AGBL1: variants seen among roughly 807,000 people sequenced by gnomAD.
The protein encoded by AGBL1 is cytosolic carboxypeptidase 4.
A neutral mutation model predicts 118.9 loss-of-function variants in AGBL1; 130 were observed. The ratio of observed to expected loss-of-function variants is 1.09; its 90% CI spans 0.95 to 1.26. AGBL1 has a LOEUF of 1.26. AGBL1 is among the 50% of genes most tolerant of loss of function. The pLI is 0.00. For synonymous variants in AGBL1, 555 were observed against 478.9 expected, an observed-to-expected ratio of 1.16 and a Z score of -2.08; for missense variants, 1,584 against 1,298.1, an observed-to-expected ratio of 1.22 and a Z score of -3.38.
intron 23 of AGBL1, among the ~76,000 whole-genome samples, chr15:86,961,266 G>A (rs563970005): frequency 6.6e-6 from 1 of 152,024 alleles, no homozygotes; most frequent in East Asian, 1.9e-4. Context: ...AGTCATTGCT[G>A]CAACCTCTGT....
chr15:86,836,868 C>T (rs1596535961), intron 22 of AGBL1, among the ~76,000 whole-genome samples: 6 of 152,152 alleles, frequency 3.9e-5, no homozygotes, highest in Admixed American at 3.9e-4. Context: ...TATGTCTTGT[C>T]CCTGTAACAT....
intron 19 of AGBL1, among the ~76,000 whole-genome samples, chr15:86,523,516 G>T (rs1415421995): frequency 6.6e-6 from 1 of 152,050 alleles, no homozygotes; most frequent in African/African-American, 2.4e-5. Flanking sequence ...GGACACAATT[G>T]ACCCCACAAC....
At chr15:86,601,263 A>G (rs991994097) in intron 21 of AGBL1, among the ~76,000 whole-genome samples, 4 of 152,156 alleles carry the variant, frequency 2.6e-5, no homozygotes, top group Non-Finnish European at 5.9e-5. Context: ...CTTAGCTAGC[A>G]CTCAGTTAAG....
intron 5 of AGBL1, among the ~76,000 whole-genome samples, chr15:86,198,460 G>T (rs1341883942): frequency 1.3e-5 from 2 of 152,170 alleles, no homozygotes; most frequent in Non-Finnish European, 2.9e-5. Flanking sequence ...TTGCAAGAGA[G>T]AAAGATATTA....
chr15:86,607,679 T>C (rs746488992), intron 21 of AGBL1, among the ~76,000 whole-genome samples: 3 of 152,186 alleles, frequency 2.0e-5, no homozygotes, highest in Non-Finnish European at 2.9e-5. Flanking sequence ...TTGAACATCT[T>C]TTTGTAAGCC....
At chr15:86,875,027 A>G (rs1054992160) in intron 22 of AGBL1, among the ~76,000 whole-genome samples, 1 of 152,158 alleles carries the variant, frequency 6.6e-6, no homozygotes. Context: ...TTCAGAAAAC[A>G]AAGAGATCAT....
chr15:86,503,337 C>T (rs1555419968), intron 18 of AGBL1, among the ~76,000 whole-genome samples: 2 of 151,276 alleles, frequency 1.3e-5, no homozygotes, highest in African/African-American at 4.8e-5. Context: ...TCCTTTTTTT[C>T]CTTGTCAGTT....
chr15:86,219,009 C>G (rs552139310), intron 5 of AGBL1, among the ~76,000 whole-genome samples: 8 of 152,332 alleles, frequency 5.3e-5, no homozygotes, highest in African/African-American at 1.9e-4. Context: ...ATTGTGGTAA[C>G]ATTACACTGC....
intron 22 of AGBL1, among the ~76,000 whole-genome samples, chr15:86,743,949 A>T (rs1328719863): frequency 6.6e-6 from 1 of 152,146 alleles, no homozygotes; most frequent in Admixed American, 6.6e-5. Flanking sequence ...TAAGTTAGGA[A>T]AAGATAACTT....
chr15:86,886,760 A>C (rs938804893), intron 22 of AGBL1, among the ~76,000 whole-genome samples: 2 of 152,188 alleles, frequency 1.3e-5, no homozygotes, highest in African/African-American at 4.8e-5. Context: ...TTCCAGCTAG[A>C]GTCAGCTTGG....
intron 23 of AGBL1, among the ~76,000 whole-genome samples, chr15:86,926,684 AAT>A (rs1267836272): frequency 6.6e-6 from 1 of 152,252 alleles, no homozygotes; most frequent in Non-Finnish European, 1.5e-5. Context: ...CATGTAGAAT[AAT>A]TTTACAAAAG....
At chr15:86,740,694 A>G (rs2141234472) in intron 22 of AGBL1, among the ~76,000 whole-genome samples, 1 of 152,288 alleles carries the variant, frequency 6.6e-6, no homozygotes, top group South Asian at 2.1e-4. Context: ...GGGTAGACAG[A>G]TGAATGAGTG....
chr15:86,694,928 A>G (rs939122611), intron 22 of AGBL1, among the ~76,000 whole-genome samples: 2 of 152,108 alleles, frequency 1.3e-5, no homozygotes, highest in African/African-American at 4.8e-5. Context: ...CCATTCCTGC[A>G]TCCTTGATAT....
intron 22 of AGBL1, among the ~76,000 whole-genome samples, chr15:86,868,271 T>C (rs2079663725): frequency 6.6e-6 from 1 of 152,220 alleles, no homozygotes. Context: ...CTTCAAACCC[T>C]GTGAGGTCGC....
At chr15:86,618,416 T>C (rs1269190587) in intron 21 of AGBL1, among the ~76,000 whole-genome samples, 1 of 152,146 alleles carries the variant, frequency 6.6e-6, no homozygotes, top group Non-Finnish European at 1.5e-5. Context: ...GGAGCTAAAA[T>C]ATCTTTCTCC....
In AGBL1 at chr15:86,910,504, T is replaced by G. The variant is rs1474350021; in HGVS notation, c.*3210T>G. ...TGCCCGTGACTGATATCAGCGCCAT[T>G]TTTCCCTTGTTTATGGCTGAGGGTT... On this transcript the variant is annotated 3_prime_UTR_variant, in exon 23 of 23. Coordinates refer to ENST00000614907, the MANE Select transcript of AGBL1 (RefSeq NM_001386094.1). 6.6e-6 allele frequency: 1 copy of G among 152,156 alleles called. No homozygotes were observed. The highest frequency in any genetic ancestry group is 1.5e-5 in the Non-Finnish European group (1 of 68,036). The allele number at this position is 152,156 out of a possible 1,614,324, so 9.4% of individuals were successfully genotyped here.
chr15:86,556,415 T>G, intron 21 of AGBL1: 2 of 707,236 alleles, frequency 2.8e-6, no homozygotes, highest in Non-Finnish European at 4.9e-6. Flanking sequence ...GGTTTAAGAA[T>G]CCCATTCTCT....
At chr15:86,321,872 A>T (rs1839379532) in intron 17 of AGBL1, among the ~76,000 whole-genome samples, 3 of 151,378 alleles carry the variant, frequency 2.0e-5, no homozygotes, top group South Asian at 4.2e-4. Flanking sequence ...GTCAGTACTA[A>T]TTTTTTTTAT....
chr15:86,146,107 G>A (rs992203469), intron 3 of AGBL1, among the ~76,000 whole-genome samples: 1 of 152,112 alleles, frequency 6.6e-6, no homozygotes, highest in Non-Finnish European at 1.5e-5. Flanking sequence ...GTGACCTTGG[G>A]CAAAGTACTT....
Sources: allele counts gnomAD v4.1 joint callset (sites outside exome capture counted in the v4.1 genomes callset), GRCh38; gene constraint gnomAD v4.1.1; transcripts MANE v1.5; gene names NCBI Gene and HGNC (gene_info 2026-07-23, HGNC 2026-07-21).